The following FCGR2A variants were observed in gnomAD, a reference collection of about 807,000 sequenced individuals.
FCGR2A encodes the protein low affinity immunoglobulin gamma Fc region receptor II-a.
In FCGR2A, 18 loss-of-function variants were observed where a neutral mutation model predicts 29.3. The ratio of observed to expected loss-of-function variants is 0.62; its 90% CI spans 0.43 to 0.91. The LOEUF (loss-of-function observed/expected upper bound fraction) is 0.91, where lower values mean the gene tolerates loss of function less well. Among genes scored for constraint, FCGR2A ranks in the 40% least tolerant of loss-of-function variants. The pLI is 0.00. For synonymous variants in FCGR2A, 126 were observed against 144.8 expected (o/e 0.87, Z 0.93); for missense variants, 287 against 393.0 (o/e 0.73, Z 2.28).
intron 1 of FCGR2A, 44 bp downstream of exon 1, chr1:161,505,596 T>G: frequency 6.8e-7 from 1 of 1,467,128 alleles, no homozygotes; most frequent in South Asian, 1.1e-5. Flanking sequence ...CAGACACTCC[T>G]ACTGCCTGGA....
chr1:161,512,031 A>G (rs1209203437), intron 5 of FCGR2A, among the ~76,000 whole-genome samples: 4 of 152,152 alleles, frequency 2.6e-5, no homozygotes, highest in African/African-American at 7.2e-5. Context: ...GAAGAGAAAC[A>G]CCAGTCCCAG....
intron 3 of FCGR2A, among the ~76,000 whole-genome samples, chr1:161,508,976 GT>G (rs1204330505): frequency 1.3e-5 from 2 of 152,026 alleles, no homozygotes; most frequent in Non-Finnish European, 2.9e-5. Context: ...TGGTCTGAAT[GT>G]TTCTGTGCCC....
chr1:161,517,588 T>G (rs1186327007), intron 6 of FCGR2A, among the ~76,000 whole-genome samples: 1 of 152,154 alleles, frequency 6.6e-6, no homozygotes, highest in African/African-American at 2.4e-5. Context: ...TTTGGGAAAT[T>G]AGATTTTTAG....
chr1:161,510,311 G>C, intron 4 of FCGR2A: 1 of 749,488 alleles, frequency 1.3e-6, no homozygotes, highest in South Asian at 1.7e-5. Flanking sequence ...TGAAATGTAG[G>C]CCCCAGACTA....
chr1:161,509,414 C>T (rs570121947), intron 3 of FCGR2A, among the ~76,000 whole-genome samples: 2 of 151,676 alleles, frequency 1.3e-5, no homozygotes, highest in South Asian at 2.1e-4. Flanking sequence ...TTTGCTAATA[C>T]AGTTCAAGGC....
At chr1:161,517,534 C>T (rs1676219664) in intron 6 of FCGR2A, among the ~76,000 whole-genome samples, 1 of 152,188 alleles carries the variant, frequency 6.6e-6, no homozygotes, top group Non-Finnish European at 1.5e-5. Flanking sequence ...GGTTGGTTAA[C>T]ATCAGGTTAC....
chr1:161,514,226 A>G (rs1361565762), intron 6 of FCGR2A, among the ~76,000 whole-genome samples: 3 of 151,792 alleles, frequency 2.0e-5, no homozygotes, highest in Admixed American at 6.6e-5. Flanking sequence ...TAAGCAGCCA[A>G]CTAACATAAT....
At chr1:161,508,155 C>A (rs374350095) in intron 3 of FCGR2A, among the ~76,000 whole-genome samples, 3 of 151,246 alleles carry the variant, frequency 2.0e-5, no homozygotes, top group Non-Finnish European at 2.9e-5. Context: ...CCTAGTCCCA[C>A]CTATCCATTG....
At chr1:161,510,455 C>T (rs1276007461) in intron 4 of FCGR2A, 7 of 467,114 alleles carry the variant, frequency 1.5e-5, no homozygotes, top group African/African-American at 7.9e-5. Flanking sequence ...AAGCCTGGCA[C>T]GTCATGGACT....
At chr1:161,510,392 T>G (rs947878873) in intron 4 of FCGR2A, 11 of 581,980 alleles carry the variant, frequency 1.9e-5, no homozygotes, top group African/African-American at 1.7e-4. Flanking sequence ...TCCTAAGAGC[T>G]GAGGTTTGCC....
downstream of FCGR2A, chr1:161,522,679 G>A (rs180983910): frequency 6.6e-6 from 1 of 152,186 alleles, no homozygotes; most frequent in East Asian, 1.9e-4. Flanking sequence ...TTTCCCTTTT[G>A]GAATTATGAA....
intron 3 of FCGR2A, among the ~76,000 whole-genome samples, chr1:161,509,517 G>A (rs1235477732): frequency 1.3e-5 from 2 of 152,168 alleles, no homozygotes; most frequent in African/African-American, 2.4e-5. Context: ...GCCCTGTCGA[G>A]TAGCCTCTAC....
chr1:161,505,960 G>A (rs10494360), intron 1 of FCGR2A, 27 bp from the exon 2 acceptor site: 179,744 of 1,611,998 alleles, frequency 0.11, 11,451 homozygotes, highest in Middle Eastern at 0.19. Flanking sequence ...CCTGCTCGAC[G>A]TTGATCCACT....
chr1:161,512,195 C>A (rs986118232), intron 5 of FCGR2A, among the ~76,000 whole-genome samples: 3 of 149,070 alleles, frequency 2.0e-5, no homozygotes, highest in Non-Finnish European at 4.5e-5. Flanking sequence ...GCCAATCGGA[C>A]GTGGGAGGCA....
At chr1:161,511,187 G>T (rs561406937) in intron 5 of FCGR2A, among the ~76,000 whole-genome samples, 10 of 152,198 alleles carry the variant, frequency 6.6e-5, no homozygotes, top group Non-Finnish European at 1.3e-4. Context: ...CCAGTGCCTG[G>T]TAGGCAGTAA....
At chr1:161,522,658 T>C (rs12117125), downstream of FCGR2A, 73,824 of 151,922 alleles carry the variant, frequency 0.49, 18,499 homozygotes, top group African/African-American at 0.62. Context: ...GAATTTAAAG[T>C]TGACAGCTTC....
At chr1:161,523,838 A>AG (rs990301843), downstream of FCGR2A, 6 of 151,950 alleles carry the variant, frequency 3.9e-5, no homozygotes. Flanking sequence ...GATCGGAAAA[A>AG]AATGAAAGTG....
rs1340291061 is a variant in FCGR2A, at chr1:161,519,384, G to A, written c.*1236G>A. On this transcript the variant is annotated 3_prime_UTR_variant, in exon 7 of 7. Coordinates refer to ENST00000271450, the MANE Select transcript of FCGR2A (RefSeq NM_001136219.3). Reference sequence around the variant, plus strand: ...TAACAGATGTAGCAACATGAGAAACGCTTATGTTACAGGTTACATGAGAGC... The same window carrying A: ...TAACAGATGTAGCAACATGAGAAACACTTATGTTACAGGTTACATGAGAGC... The A allele has an allele frequency of 1.3e-5, 2 of 152,414 alleles. No individual in the cohort carries two copies. The highest frequency in any genetic ancestry group is 6.6e-5 in the Admixed American group (1 of 15,258). 9.4% of individuals were successfully genotyped at this position (152,414 alleles called of 1,614,324 possible).
intron 2 of FCGR2A, 50 bp from the exon 3 acceptor site, chr1:161,506,284 A>G (rs768802255): frequency 6.2e-6 from 10 of 1,605,992 alleles, no homozygotes; most frequent in Non-Finnish European, 7.7e-6. Context: ...TGGCATCCAC[A>G]GTCCCTTCAG....
Sources: allele counts gnomAD v4.1 joint callset (sites outside exome capture counted in the v4.1 genomes callset), GRCh38; gene constraint gnomAD v4.1.1; transcripts MANE v1.5; gene names NCBI Gene and HGNC (gene_info 2026-07-23, HGNC 2026-07-21).